Variants in PGPEP1L observed in about 807,000 individuals in gnomAD.
PGPEP1L encodes pyroglutamyl-peptidase I like.
PGPEP1L carries 7 observed loss-of-function variants against 6.0 expected under a neutral mutation model. That is an observed-to-expected ratio of 1.17 (90% confidence interval 0.66 to 2.19). PGPEP1L has a LOEUF of 2.19. Among genes scored for constraint, PGPEP1L ranks in the 30% most tolerant of loss-of-function variants. The probability of loss-of-function intolerance (pLI) is 0.00; values close to 1 mark genes in which losing one functional copy is unlikely to be tolerated. For synonymous variants in PGPEP1L, 103 were observed against 83.9 expected (o/e 1.23, Z -1.24); for missense variants, 209 against 192.5 (o/e 1.09, Z -0.51).
chr15:98,990,294 A>C (rs566797887), intron 2 of PGPEP1L, among the ~76,000 whole-genome samples: 2 of 152,318 alleles, frequency 1.3e-5, no homozygotes, highest in East Asian at 3.9e-4. Context: ...AAAGAAAAAA[A>C]AAAGCAGCAG....
intron 2 of PGPEP1L, among the ~76,000 whole-genome samples, chr15:98,989,352 G>C (rs185747645): frequency 2.6e-5 from 4 of 152,306 alleles, no homozygotes; most frequent in Admixed American, 2.6e-4. Flanking sequence ...AGTATCAAAA[G>C]CTGAATCGAT....
intron 2 of PGPEP1L, among the ~76,000 whole-genome samples, chr15:98,996,667 G>A (rs1016998050): frequency 6.6e-6 from 1 of 152,216 alleles, no homozygotes; most frequent in African/African-American, 2.4e-5. Context: ...ATGCATGCAC[G>A]TGTGTATGCC....
intron 2 of PGPEP1L, among the ~76,000 whole-genome samples, chr15:98,981,404 G>A (rs1489945270): frequency 1.3e-5 from 2 of 151,360 alleles, no homozygotes; most frequent in Admixed American, 1.3e-4. Flanking sequence ...GCAGGAGAAT[G>A]GCGTGAACCC....
intron 2 of PGPEP1L, among the ~76,000 whole-genome samples, chr15:98,986,210 T>A (rs1270878181): frequency 6.6e-6 from 1 of 152,170 alleles, no homozygotes; most frequent in Admixed American, 6.5e-5. Flanking sequence ...GATAGAAGTG[T>A]CTTTCATGGG....
At chr15:98,990,361 A>G (rs888669548) in intron 2 of PGPEP1L, among the ~76,000 whole-genome samples, 10 of 152,218 alleles carry the variant, frequency 6.6e-5, no homozygotes, top group Non-Finnish European at 1.2e-4. Flanking sequence ...CAAAAGAGAC[A>G]AAGAAGGGCA....
intron 2 of PGPEP1L, among the ~76,000 whole-genome samples, chr15:98,971,892 A>G (rs1487562791): frequency 6.6e-6 from 1 of 152,250 alleles, no homozygotes; most frequent in Non-Finnish European, 1.5e-5. Context: ...CTAAAAAGTC[A>G]AAAATGTGGG....
intron 2 of PGPEP1L, among the ~76,000 whole-genome samples, chr15:98,993,787 C>T (rs972542009): frequency 6.6e-6 from 1 of 151,326 alleles, no homozygotes; most frequent in African/African-American, 2.4e-5. Context: ...CAAACCTGCA[C>T]GTTCTGCACA....
At chr15:98,985,035 G>A (rs1056900366) in intron 2 of PGPEP1L, among the ~76,000 whole-genome samples, 3 of 152,164 alleles carry the variant, frequency 2.0e-5, no homozygotes, top group South Asian at 2.1e-4. Flanking sequence ...CCACGCACAC[G>A]GCCCTATGGT....
intron 3 of PGPEP1L, among the ~76,000 whole-genome samples, chr15:98,970,097 G>A (rs921589534): frequency 2.0e-5 from 3 of 152,072 alleles, no homozygotes; most frequent in African/African-American, 4.8e-5. Flanking sequence ...CACCCAGGCT[G>A]GAGTGCAATG....
chr15:98,997,037 AC>A (rs1409642861), intron 2 of PGPEP1L, among the ~76,000 whole-genome samples: 2 of 152,294 alleles, frequency 1.3e-5, no homozygotes, highest in East Asian at 3.9e-4. Context: ...TTGGAGCTAA[AC>A]CCAGGAGGCC....
intron 2 of PGPEP1L, among the ~76,000 whole-genome samples, chr15:98,990,255 G>C (rs2151762467): frequency 6.6e-6 from 1 of 151,972 alleles, no homozygotes; most frequent in Non-Finnish European, 1.5e-5. Flanking sequence ...CAAAATAAAG[G>C]GATGGAGGAA....
chr15:99,001,708 GTTTT>G (rs532174644), intron 2 of PGPEP1L, among the ~76,000 whole-genome samples: 1 of 139,962 alleles, frequency 7.1e-6, no homozygotes, highest in African/African-American at 2.6e-5. Context: ...ATATATTTGT[GTTTT>G]TTATTTTTGC....
intron 2 of PGPEP1L, among the ~76,000 whole-genome samples, chr15:98,973,399 G>A (rs764002643): frequency 6.6e-6 from 1 of 152,212 alleles, no homozygotes; most frequent in Non-Finnish European, 1.5e-5. Flanking sequence ...TCCAACAGCT[G>A]CAGAATACAC....
chr15:98,985,427 AC>A (rs1249385693), intron 2 of PGPEP1L, among the ~76,000 whole-genome samples: 1 of 152,178 alleles, frequency 6.6e-6, no homozygotes, highest in Non-Finnish European at 1.5e-5. Context: ...AATCCCAGCT[AC>A]TCAGGAGGCT....
chr15:98,969,309 C>T (rs925391570), intron 4 of PGPEP1L, 116 bp downstream of exon 4: 5 of 1,325,366 alleles, frequency 3.8e-6, no homozygotes, highest in East Asian at 4.6e-5. Flanking sequence ...GGGGCGGCAC[C>T]GCATGGCCAA....
intron 2 of PGPEP1L, among the ~76,000 whole-genome samples, chr15:98,987,642 G>A (rs1005439837): frequency 4.6e-5 from 7 of 152,246 alleles, no homozygotes; most frequent in African/African-American, 1.4e-4. Context: ...TATCTGTTTT[G>A]TAATTTTATT....
chr15:98,968,614 C>A lies in PGPEP1L; in HGVS notation c.293G>T (p.Arg98Leu), dbSNP rs778101933. ...TCCCAGCAGGCTGGCCGGGAGCCCG[C>A]GCGATAGTGGAGGGACATGGATGAG... ...AALIHVPPLS[R>L]GLPASLLGRA... Residue 98 changes from arginine (R) to leucine (L), a missense_variant, in exon 5 of 5, where the codon CGC (arginine) becomes CTC (leucine). Transcript: ENST00000535714. 7 of 1,605,908 alleles carry A rather than the reference C, an allele frequency of 4.4e-6. No individual in the cohort carries two copies. Among genetic ancestry groups the A allele is most frequent in the Non-Finnish European group, 5.1e-6 (6 of 1,176,120 alleles).
At chr15:98,989,131 A>T (rs2017786641) in intron 2 of PGPEP1L, among the ~76,000 whole-genome samples, 1 of 152,220 alleles carries the variant, frequency 6.6e-6, no homozygotes, top group Non-Finnish European at 1.5e-5. Context: ...ATGGAGAATG[A>T]GTTTGACGAA....
chr15:99,005,757 G>C (rs1418139089), intron 1 of PGPEP1L, 101 bp from the exon 2 acceptor site: 1 of 152,482 alleles, frequency 6.6e-6, no homozygotes, highest in African/African-American at 2.4e-5. Flanking sequence ...ATTTGAGTCT[G>C]GGTCACTTTG....
Sources: gnomAD v4.1 joint callset for allele counts (sites outside exome capture counted in the v4.1 genomes callset) on GRCh38, gnomAD v4.1.1 for gene constraint, MANE v1.5 for transcripts, NCBI Gene and HGNC (gene_info 2026-07-23, HGNC 2026-07-21) for gene names.